The following LHFPL6 variants were observed in gnomAD, a reference collection of about 807,000 sequenced individuals.
LHFPL6 encodes the protein LHFPL tetraspan subfamily member 6 protein.
Under a neutral mutation model 20.6 loss-of-function variants are expected in LHFPL6, and 9 were observed. That is an observed-to-expected ratio of 0.44 (90% confidence interval 0.26 to 0.76). The LOEUF is 0.76. LHFPL6 is among the 30% of genes least tolerant of loss of function. The probability of loss-of-function intolerance (pLI) is 0.20; values close to 1 mark genes in which losing one functional copy is unlikely to be tolerated. For missense variants in LHFPL6, 218 were observed against 253.5 expected (o/e 0.86, Z 0.95); for synonymous variants, 105 against 98.7 (o/e 1.06, Z -0.38).
chr13:39,587,068 A>G (rs1394530203), intron 2 of LHFPL6, among the ~76,000 whole-genome samples: 2 of 152,014 alleles, frequency 1.3e-5, no homozygotes, highest in African/African-American at 4.8e-5. Flanking sequence ...GCAGCAGGAG[A>G]ATTGCTTTAA....
intron 2 of LHFPL6, among the ~76,000 whole-genome samples, chr13:39,509,423 G>A (rs889228398): frequency 2.6e-5 from 4 of 151,942 alleles, no homozygotes; most frequent in African/African-American, 9.7e-5. Flanking sequence ...GTTGGGGTTT[G>A]AGATTTAGGA....
At chr13:39,477,977 C>T (rs1218349903) in intron 2 of LHFPL6, among the ~76,000 whole-genome samples, 2 of 152,112 alleles carry the variant, frequency 1.3e-5, no homozygotes, top group African/African-American at 4.8e-5. Context: ...GGTTACAAGC[C>T]AAGTTACTGC....
chr13:39,431,555 G>A (rs771436517), intron 2 of LHFPL6, among the ~76,000 whole-genome samples: 34 of 152,038 alleles, frequency 2.2e-4, no homozygotes, highest in Non-Finnish European at 4.1e-4. Context: ...TTACTTTGAT[G>A]TCTAATGGAA....
chr13:39,560,486 T>C (rs1871435948), intron 2 of LHFPL6, among the ~76,000 whole-genome samples: 1 of 150,558 alleles, frequency 6.6e-6, no homozygotes, highest in Admixed American at 6.6e-5. Flanking sequence ...ACAATCTCCT[T>C]TGGGTTATGC....
chr13:39,351,945 G>A (rs910386546), intron 3 of LHFPL6, among the ~76,000 whole-genome samples: 1 of 147,814 alleles, frequency 6.8e-6, no homozygotes, highest in African/African-American at 2.4e-5. Context: ...TGTGATACAG[G>A]GGGGCTGCCT....
chr13:39,373,144 T>G (rs1222927080), intron 3 of LHFPL6, among the ~76,000 whole-genome samples: 1 of 152,236 alleles, frequency 6.6e-6, no homozygotes, highest in African/African-American at 2.4e-5. Flanking sequence ...CTACTTTCAT[T>G]TGCGAGAGTA....
chr13:39,518,365 T>C (rs1448373335), intron 2 of LHFPL6, among the ~76,000 whole-genome samples: 1 of 152,228 alleles, frequency 6.6e-6, no homozygotes, highest in African/African-American at 2.4e-5. Flanking sequence ...TGAGACATCC[T>C]GGCTACTTTC....
At chr13:39,451,752 C>T (rs1872448616) in intron 2 of LHFPL6, among the ~76,000 whole-genome samples, 2 of 152,180 alleles carry the variant, frequency 1.3e-5, no homozygotes. Context: ...CAAATAGATT[C>T]TCCTTTCCTG....
chr13:39,568,026 C>T (rs181960131), intron 2 of LHFPL6, among the ~76,000 whole-genome samples: 1 of 152,310 alleles, frequency 6.6e-6, no homozygotes, highest in East Asian at 1.9e-4. Context: ...CTTTCCACTA[C>T]AGGAAGAACT....
chr13:39,564,809 T>C (rs1871658964), intron 2 of LHFPL6, among the ~76,000 whole-genome samples: 1 of 152,230 alleles, frequency 6.6e-6, no homozygotes, highest in Non-Finnish European at 1.5e-5. Flanking sequence ...TATGTTCTTC[T>C]GAAAATTGGA....
chr13:39,362,445 G>C (rs185025460), intron 3 of LHFPL6, among the ~76,000 whole-genome samples: 2 of 152,318 alleles, frequency 1.3e-5, no homozygotes, highest in East Asian at 3.9e-4. Flanking sequence ...CCAGTCTCAG[G>C]TAGTTCCTTA....
intron 2 of LHFPL6, among the ~76,000 whole-genome samples, chr13:39,471,222 A>G (rs1328361426): frequency 6.6e-6 from 1 of 152,184 alleles, no homozygotes; most frequent in Non-Finnish European, 1.5e-5. Flanking sequence ...GGATGCAGGA[A>G]TGTTGGCCAG....
intron 2 of LHFPL6, among the ~76,000 whole-genome samples, chr13:39,440,420 A>G (rs1410446986): frequency 6.6e-6 from 1 of 152,156 alleles, no homozygotes; most frequent in East Asian, 1.9e-4. Flanking sequence ...CTTGAGGCTG[A>G]GAGTTCAAGA....
chr13:39,490,743 G>C (rs1344947144), intron 2 of LHFPL6, among the ~76,000 whole-genome samples: 1 of 152,196 alleles, frequency 6.6e-6, no homozygotes, highest in Non-Finnish European at 1.5e-5. Context: ...GAAAAGTAAA[G>C]CTGGAGGGGA....
At chr13:39,499,468 C>A (rs1869217974) in intron 2 of LHFPL6, among the ~76,000 whole-genome samples, 2 of 152,198 alleles carry the variant, frequency 1.3e-5, no homozygotes, top group Admixed American at 1.3e-4. Flanking sequence ...CAGGCATCCT[C>A]AGCGCCTCTT....
Position 39,549,227 on chromosome 13 carries a change from C to A in LHFPL6, c.385+51605G>T, listed in dbSNP as rs1336043174. 3.3e-5 allele frequency among the ~76,000 whole-genome samples: 5 copies of A among 152,120 alleles called. No individual in the cohort carries two copies. In the South Asian group the frequency reaches 6.2e-4, roughly 19 times the overall value. Reference sequence around the variant, plus strand: ...GTTCAACTGATTTTCAACGAAAGTGCAAAGGCAGTTCTATGGTGAAAGGAC... The same window carrying A: ...GTTCAACTGATTTTCAACGAAAGTGAAAAGGCAGTTCTATGGTGAAAGGAC... On this transcript the variant is annotated intron_variant, in intron 2 of 3. Coordinates refer to ENST00000379589, the MANE Select transcript of LHFPL6 (RefSeq NM_005780.3).
chr13:39,508,305 A>G, intron 2 of LHFPL6, among the ~76,000 whole-genome samples: 1 of 152,216 alleles, frequency 6.6e-6, no homozygotes, highest in East Asian at 1.9e-4. Context: ...GATTATAGGC[A>G]TGAGCCACTG....
At chr13:39,584,921 T>C (rs1253942153) in intron 2 of LHFPL6, among the ~76,000 whole-genome samples, 1 of 152,154 alleles carries the variant, frequency 6.6e-6, no homozygotes, top group Non-Finnish European at 1.5e-5. Context: ...CTTGGATTGT[T>C]ATGGGGAGCC....
rs576914354 is a variant in LHFPL6, at chr13:39,577,546, C to A, written c.385+23286G>T. Among the ~76,000 whole-genome samples the A allele has an allele frequency of 2.6e-5, 4 of 152,292 alleles. No homozygotes were observed. In the South Asian group the frequency reaches 8.3e-4, roughly 32 times the overall value. ...ATTATCCCATTAGATGTATTTGGAT[C>A]ATCTATGAGAGGCAGTCTGGTGTGA... On this transcript the variant is annotated intron_variant, in intron 2 of 3. Coordinates refer to ENST00000379589, the MANE Select transcript of LHFPL6 (RefSeq NM_005780.3).
Sources: gnomAD v4.1 joint callset for allele counts (sites outside exome capture counted in the v4.1 genomes callset) on GRCh38, gnomAD v4.1.1 for gene constraint, MANE v1.5 for transcripts, NCBI Gene and HGNC (gene_info 2026-07-23, HGNC 2026-07-21) for gene names.